Variants in TAFA1 observed in about 807,000 individuals in gnomAD.
The protein encoded by TAFA1 is TAFA chemokine like family member 1.
Under a neutral mutation model 18.5 loss-of-function variants are expected in TAFA1, and 4 were observed. The ratio of observed to expected loss-of-function variants is 0.22; its 90% confidence interval spans 0.11 to 0.49. TAFA1 has a LOEUF of 0.49. Ranked by LOEUF, TAFA1 falls within the 20% of genes least tolerant of loss-of-function variation. TAFA1 has a pLI of 0.98. For synonymous variants in TAFA1, 56 were observed against 55.2 expected, an observed-to-expected ratio of 1.01 and a Z score of -0.06; for missense variants, 147 against 169.0, an observed-to-expected ratio of 0.87 and a Z score of 0.72.
chr3:68,500,338 G>A (rs1327904906), intron 3 of TAFA1, among the ~76,000 whole-genome samples: 1 of 152,090 alleles, frequency 6.6e-6, no homozygotes, highest in Non-Finnish European at 1.5e-5. Context: ...AAATGAATTA[G>A]CATGAAAATA....
intron 2 of TAFA1, among the ~76,000 whole-genome samples, chr3:68,078,989 G>T (rs923459626): frequency 8.5e-5 from 13 of 152,248 alleles, no homozygotes; most frequent in Middle Eastern, 6.8e-3. Context: ...CAATTTCAGA[G>T]CCTGTTATTG....
At chr3:68,163,169 T>G (rs2065945613) in intron 2 of TAFA1, among the ~76,000 whole-genome samples, 1 of 152,260 alleles carries the variant, frequency 6.6e-6, no homozygotes, top group South Asian at 2.1e-4. Context: ...GAAGGACTAC[T>G]CTTTTCTACA....
chr3:68,367,241 G>A (rs966254806), intron 2 of TAFA1, among the ~76,000 whole-genome samples: 2 of 152,156 alleles, frequency 1.3e-5, no homozygotes, highest in Non-Finnish European at 2.9e-5. Context: ...CGTAATCTAC[G>A]TCCCTCATTG....
chr3:68,303,816 T>G (rs1313611003), intron 2 of TAFA1, among the ~76,000 whole-genome samples: 1 of 152,178 alleles, frequency 6.6e-6, no homozygotes, highest in Non-Finnish European at 1.5e-5. Context: ...AGCCACTGAT[T>G]TGCTGACATG....
intron 2 of TAFA1, among the ~76,000 whole-genome samples, chr3:68,080,022 G>A (rs1178053673): frequency 6.6e-6 from 1 of 152,074 alleles, no homozygotes; most frequent in East Asian, 1.9e-4. Context: ...ATATATTTAG[G>A]ATAGTTAGCT....
At chr3:68,244,356 A>AT (rs201685291) in intron 2 of TAFA1, among the ~76,000 whole-genome samples, 2,990 of 151,734 alleles carry the variant, frequency 0.02, 39 homozygotes, top group Non-Finnish European at 0.031. Context: ...AAGATCTCCT[A>AT]TTTTTTTTCT....
At chr3:68,080,723 T>G (rs2064887185) in intron 2 of TAFA1, among the ~76,000 whole-genome samples, 1 of 152,324 alleles carries the variant, frequency 6.6e-6, no homozygotes. Context: ...TAACCTGACC[T>G]TTCTCTCTGG....
At chr3:68,507,653 G>A (rs924662501) in intron 3 of TAFA1, among the ~76,000 whole-genome samples, 5 of 152,058 alleles carry the variant, frequency 3.3e-5, no homozygotes, top group African/African-American at 4.8e-5. Flanking sequence ...GGGAAGCATC[G>A]TAGTGTGATA....
chr3:68,110,909 T>C (rs75552121), intron 2 of TAFA1, among the ~76,000 whole-genome samples: 8,038 of 151,936 alleles, frequency 0.053, 281 homozygotes, highest in South Asian at 0.18. Context: ...TCCTGAAAGG[T>C]GGGTGGTTCC....
intron 2 of TAFA1, among the ~76,000 whole-genome samples, chr3:68,263,615 C>T (rs1319324583): frequency 6.6e-6 from 1 of 150,468 alleles, no homozygotes; most frequent in Non-Finnish European, 1.5e-5. Context: ...CTGAGAGAGG[C>T]TGGGCCACTT....
At chr3:68,115,061 T>C (rs578090113) in intron 2 of TAFA1, among the ~76,000 whole-genome samples, 1 of 152,218 alleles carries the variant, frequency 6.6e-6, no homozygotes, top group South Asian at 2.1e-4. Context: ...AAGGAAGTGA[T>C]AAGTAAAAAT....
intron 3 of TAFA1, among the ~76,000 whole-genome samples, chr3:68,466,713 A>C (rs2071891909): frequency 6.6e-6 from 1 of 152,170 alleles, no homozygotes; most frequent in South Asian, 2.1e-4. Context: ...TTTTATTTTA[A>C]CATTAGCTCA....
chr3:68,479,477 A>G (rs1008942323), intron 3 of TAFA1, among the ~76,000 whole-genome samples: 1 of 152,038 alleles, frequency 6.6e-6, no homozygotes, highest in African/African-American at 2.4e-5. Flanking sequence ...CTCTTATTTT[A>G]TGAAATGGCT....
Position 68,404,325 on chromosome 3 carries a change from T to G in TAFA1, c.119-12955T>G, listed in dbSNP as rs2070553943. ...ATTCATTGATGCTGTAGAGACAACT[T>G]CTTCACAAAATCCTCAATTATGGAA... On this transcript the variant is annotated intron_variant, in intron 2 of 4. Transcript: ENST00000478136. Among the ~76,000 whole-genome samples the G allele has an allele frequency of 2.6e-5, 4 of 152,320 alleles. No homozygotes were observed. In the South Asian group the frequency reaches 8.3e-4, roughly 32 times the overall value.
At chr3:68,355,872 A>C (rs1284895701) in intron 2 of TAFA1, among the ~76,000 whole-genome samples, 1 of 152,054 alleles carries the variant, frequency 6.6e-6, no homozygotes, top group Non-Finnish European at 1.5e-5. Flanking sequence ...GATTGTAGCT[A>C]GGCAAGTTGT....
chr3:68,338,501 T>C (rs1431072227), intron 2 of TAFA1, among the ~76,000 whole-genome samples: 1 of 152,198 alleles, frequency 6.6e-6, no homozygotes. Flanking sequence ...GCTTTTATTA[T>C]GTGCCATATT....
rs145822890 is a variant in TAFA1 at position 68,204,627 on chromosome 3, G to T, written c.118+197883G>T. ...CATGGGACTCATATGGAGTGAAAAT[G>T]GGGCTAATCCCAAAAGAAAGGAGAG... is the stretch of plus-strand genomic sequence containing the variant. On this transcript the variant is annotated intron_variant, in intron 2 of 4. Coordinates refer to ENST00000478136, the MANE Select transcript of TAFA1 (RefSeq NM_213609.4). Among the ~76,000 whole-genome samples the T allele has an allele frequency of 5.2e-3, 788 of 151,866 alleles. 6 individuals are homozygous for T. The highest frequency in any genetic ancestry group is 0.037 in the Middle Eastern group (11 of 294).
chr3:68,219,072 A>C (rs2066699161), intron 2 of TAFA1, among the ~76,000 whole-genome samples: 1 of 152,064 alleles, frequency 6.6e-6, no homozygotes, highest in Non-Finnish European at 1.5e-5. Flanking sequence ...TACCATTAGA[A>C]ATCCTCTTCA....
chr3:68,005,600 T>A (rs1377188712), intron 1 of TAFA1, among the ~76,000 whole-genome samples: 2 of 152,134 alleles, frequency 1.3e-5, no homozygotes, highest in Non-Finnish European at 2.9e-5. Flanking sequence ...TAGTTGAGAT[T>A]TTTGAAGGGT....
Sources: allele counts gnomAD v4.1 joint callset (sites outside exome capture counted in the v4.1 genomes callset), GRCh38; gene constraint gnomAD v4.1.1; transcripts MANE v1.5; gene names NCBI Gene and HGNC (gene_info 2026-07-23, HGNC 2026-07-21).